Variants in CRCP observed in about 807,000 individuals in gnomAD.
The protein encoded by CRCP is DNA-directed RNA polymerase III subunit RPC9.
In CRCP, 18 loss-of-function variants were observed where a neutral mutation model predicts 18.5. That is an observed-to-expected ratio of 0.97 (90% confidence interval 0.67 to 1.44). The LOEUF (loss-of-function observed/expected upper bound fraction) is 1.44. Ranked by LOEUF, CRCP falls within the 40% of genes most tolerant of loss-of-function variation. The pLI, the probability that CRCP is intolerant of heterozygous loss-of-function variation, is 0.00. For missense variants in CRCP, 130 were observed against 176.4 expected, an observed-to-expected ratio of 0.74 and a Z score of 1.49; for synonymous variants, 53 against 62.9, an observed-to-expected ratio of 0.84 and a Z score of 0.75.
At chr7:66,143,274 T>C (rs749627208) in intron 4 of CRCP, among the ~76,000 whole-genome samples, 9 of 152,228 alleles carry the variant, frequency 5.9e-5, no homozygotes, top group Non-Finnish European at 1.3e-4. Context: ...TTCTTGGGTC[T>C]TCCCAAATCG....
At chr7:66,115,006 G>A (rs749503033) in intron 1 of CRCP, 36 bp downstream of exon 1, 10 of 1,600,670 alleles carry the variant, frequency 6.2e-6, no homozygotes, top group Non-Finnish European at 8.5e-6. Flanking sequence ...TTCGCCCGAG[G>A]AGCCCAACGG....
At chr7:66,121,177 C>G (rs1330609001) in intron 1 of CRCP, among the ~76,000 whole-genome samples, 1 of 151,604 alleles carries the variant, frequency 6.6e-6, no homozygotes, top group African/African-American at 2.4e-5. Flanking sequence ...CGAGTTCAAG[C>G]AGTCCTCCTG....
At chr7:66,130,398 C>G in intron 2 of CRCP, 1 of 191,998 alleles carries the variant, frequency 5.2e-6, no homozygotes, top group Non-Finnish European at 1.1e-5. Context: ...GCCATCATGC[C>G]TGGACCCAGA....
At chr7:66,145,373 C>T (rs1788263096) in intron 4 of CRCP, 70 bp from the exon 5 acceptor site, 2 of 1,494,034 alleles carry the variant, frequency 1.3e-6, no homozygotes, top group Admixed American at 1.7e-5. Context: ...AAATTATTCT[C>T]TGTGCAGCTC....
At chr7:66,123,246 G>A (rs13237386) in intron 1 of CRCP, among the ~76,000 whole-genome samples, 1 of 152,098 alleles carries the variant, frequency 6.6e-6, no homozygotes, top group Admixed American at 6.6e-5. Context: ...GAGCCACTGC[G>A]CCTGGCGTAA....
At chr7:66,121,802 G>A (rs1787451318) in intron 1 of CRCP, among the ~76,000 whole-genome samples, 1 of 152,068 alleles carries the variant, frequency 6.6e-6, no homozygotes, top group African/African-American at 2.4e-5. Context: ...GTAGTGTCAG[G>A]ATTTCTTTCC....
Position 66,134,385 on chromosome 7 carries a change from C to G in CRCP, c.239+11C>G. The stretch of plus-strand genomic sequence containing the variant: ...CCACAAGTTGACCAAGTAAGTAAAT[C>G]TCTTAAGTAGGAAGAGCGTGACACA... On this transcript the variant is annotated intron_variant, in intron 4 of 5. Coordinates refer to ENST00000395326, the MANE Select transcript of CRCP (RefSeq NM_014478.5). 6.4e-7 allele frequency: 1 copy of G among 1,563,330 alleles called. No individual in the cohort carries two copies. The highest frequency in any genetic ancestry group is 1.1e-5 in the South Asian group (1 of 87,882).
chr7:66,119,621 T>G (rs753755408), intron 1 of CRCP: 1 of 152,220 alleles, frequency 6.6e-6, no homozygotes, highest in Non-Finnish European at 1.5e-5. Context: ...GCTGCAGAAT[T>G]GATTGCTTGT....
At chr7:66,145,335 C>G in intron 4 of CRCP, 108 bp from the exon 5 acceptor site, 1 of 1,100,662 alleles carries the variant, frequency 9.1e-7, no homozygotes, top group South Asian at 1.3e-5. Context: ...GGGCCACACT[C>G]CAGTGGTTCT....
chr7:66,121,144 G>A (rs956083215), intron 1 of CRCP, among the ~76,000 whole-genome samples: 4 of 151,002 alleles, frequency 2.6e-5, no homozygotes, highest in Non-Finnish European at 5.9e-5. Context: ...GCGCAATCTC[G>A]GCTGACTGCA....
At chr7:66,123,663 G>A (rs1311015077) in intron 1 of CRCP, among the ~76,000 whole-genome samples, 1 of 151,640 alleles carries the variant, frequency 6.6e-6, no homozygotes, top group African/African-American at 2.4e-5. Context: ...CAGGAGAATC[G>A]CTTGAACTCG....
chr7:66,143,999 C>A (rs1472377124), intron 4 of CRCP, among the ~76,000 whole-genome samples: 1 of 152,106 alleles, frequency 6.6e-6, no homozygotes, highest in Non-Finnish European at 1.5e-5. Flanking sequence ...CTGCAGGAGT[C>A]GTGGCTTCTT....
At chr7:66,139,720 G>C (rs186740038) in intron 4 of CRCP, among the ~76,000 whole-genome samples, 2 of 152,340 alleles carry the variant, frequency 1.3e-5, no homozygotes, top group Non-Finnish European at 1.5e-5. Flanking sequence ...TGGACTGGCG[G>C]TGGAACTTGC....
rs570593412 is a variant in CRCP, at chr7:66,123,040, C to T, written c.9-4664C>T. Among the ~76,000 whole-genome samples, 128 of 151,660 alleles carry T rather than the reference C, an allele frequency of 8.4e-4. 1 individual carries two copies. In the South Asian group the frequency reaches 0.013, roughly 15 times the overall value. ...CCCCATCTCGGCACACTGTAAGCTCCGCCTCCCGGGTTCACGCCATTCTCC... is the reference window on the plus strand; with the variant it reads ...CCCCATCTCGGCACACTGTAAGCTCTGCCTCCCGGGTTCACGCCATTCTCC... On this transcript the variant is annotated intron_variant, in intron 1 of 5. Transcript: ENST00000395326.
intron 4 of CRCP, among the ~76,000 whole-genome samples, chr7:66,135,168 G>T (rs1447219748): frequency 2.0e-5 from 3 of 152,092 alleles, no homozygotes; most frequent in Admixed American, 6.6e-5. Context: ...TCTTACAGAC[G>T]CAGTGCCTCC....
At position 66,118,122 on chromosome 7, in the gene CRCP, C is replaced by T. The variant is rs530761943; in HGVS notation, c.8+3152C>T. Among the ~76,000 whole-genome samples the T allele has an allele frequency of 3.3e-5, 5 of 152,296 alleles. No homozygotes were observed. In the East Asian group the frequency reaches 5.8e-4, roughly 18 times the overall value. ...CCTACCAAGTAGCTGGGATTACAGG[C>T]GTGTGCCACCACGCCCAGCTAATTT... is the stretch of plus-strand genomic sequence containing the variant. On this transcript the variant is annotated intron_variant, in intron 1 of 5. Coordinates refer to ENST00000395326, the MANE Select transcript of CRCP (RefSeq NM_014478.5).
chr7:66,127,617 G>A, intron 1 of CRCP, 87 bp from the exon 2 acceptor site: 1 of 1,459,306 alleles, frequency 6.9e-7, no homozygotes, highest in Non-Finnish European at 9.6e-7. Flanking sequence ...GTGGACTACT[G>A]TATCTTGACA....
At chr7:66,135,622 G>T (rs946262110) in intron 4 of CRCP, among the ~76,000 whole-genome samples, 2 of 152,022 alleles carry the variant, frequency 1.3e-5, no homozygotes, top group Non-Finnish European at 2.9e-5. Flanking sequence ...ATCTTAATGG[G>T]GTTTAAAAAT....
rs569167814 is a variant in CRCP at position 66,131,992 on chromosome 7, C to T, written c.144+1150C>T. 5.6e-4 allele frequency among the ~76,000 whole-genome samples: 7 copies of T among 12,472 alleles called. No individual in the cohort carries two copies. In the East Asian group the frequency reaches 7.2e-3, roughly 13 times the overall value. 8.2% of individuals were successfully genotyped at this position (12,472 alleles called of 152,430 possible). On this transcript the variant is annotated intron_variant, in intron 3 of 5. Coordinates refer to ENST00000395326, the MANE Select transcript of CRCP (RefSeq NM_014478.5). ...GTCAGGCGGGTATCAAACTCCCGACCTCATGTGATCCGCCCACCTCTGGCT... is the reference window on the plus strand; with the variant it reads ...GTCAGGCGGGTATCAAACTCCCGACTTCATGTGATCCGCCCACCTCTGGCT...
Sources: allele counts gnomAD v4.1 joint callset (sites outside exome capture counted in the v4.1 genomes callset), GRCh38; gene constraint gnomAD v4.1.1; transcripts MANE v1.5; gene names NCBI Gene and HGNC (gene_info 2026-07-23, HGNC 2026-07-21).